The following SLC39A10 variants were observed in gnomAD, a reference collection of about 807,000 sequenced individuals.
The protein encoded by SLC39A10 is zinc transporter ZIP10.
Under a neutral mutation model 65.1 loss-of-function variants are expected in SLC39A10, and 13 were observed. The ratio of observed to expected loss-of-function variants is 0.20; its 90% confidence interval spans 0.13 to 0.32. The LOEUF is 0.32. Ranked by LOEUF, SLC39A10 falls within the 10% of genes least tolerant of loss-of-function variation. The pLI is 1.00. For missense variants in SLC39A10, 831 were observed against 1,018.4 expected, an observed-to-expected ratio of 0.82 and a Z score of 2.50; for synonymous variants, 321 against 342.2, an observed-to-expected ratio of 0.94 and a Z score of 0.68.
Position 195,683,842 on chromosome 2 carries a change from A to C in SLC39A10, c.1152A>C (p.Leu384Phe), listed in dbSNP as rs906886126. 1.2e-6 allele frequency: 2 copies of C among 1,613,346 alleles called. No individual in the cohort carries two copies. The change falls in exon 3 of 10, where the codon TTA (leucine) becomes TTC (phenylalanine). Residue 384 changes from leucine (L) to phenylalanine (F), a missense_variant. Transcript: ENST00000359634. ...RLCIEHFDKL[L>F]VEDINKDKNL... ...GTATTGAGCATTTTGACAAACTTTT[A>C]GTTGAAGATATAAATAAGGATAAAA...
intron 2 of SLC39A10, among the ~76,000 whole-genome samples, chr2:195,628,560 A>G (rs920151781): frequency 2.0e-5 from 3 of 152,198 alleles, no homozygotes; most frequent in African/African-American, 7.2e-5. Context: ...CTCATGAAAC[A>G]TACATTCTAG....
chr2:195,634,691 T>C (rs1189248656), intron 2 of SLC39A10, among the ~76,000 whole-genome samples: 1 of 152,344 alleles, frequency 6.6e-6, no homozygotes, highest in African/African-American at 2.4e-5. Context: ...GGAAAATTTT[T>C]ATCTCATATA....
chr2:195,634,217 A>G (rs1688654131), intron 2 of SLC39A10, among the ~76,000 whole-genome samples: 1 of 152,218 alleles, frequency 6.6e-6, no homozygotes. Context: ...ATACTTTTCT[A>G]TTGATCTACG....
intron 9 of SLC39A10, among the ~76,000 whole-genome samples, chr2:195,733,227 G>A (rs942832024): frequency 2.6e-5 from 4 of 152,098 alleles, no homozygotes; most frequent in Non-Finnish European, 4.4e-5. Flanking sequence ...ATACTGTTTT[G>A]GAGCAAAACG....
chr2:195,682,119 A>G (rs1429076412), intron 2 of SLC39A10, among the ~76,000 whole-genome samples: 1 of 152,148 alleles, frequency 6.6e-6, no homozygotes, highest in Non-Finnish European at 1.5e-5. Context: ...TTTTCTTTTT[A>G]ACTATTCACC....
At chr2:195,669,321 G>A (rs1235340545) in intron 1 of SLC39A10, among the ~76,000 whole-genome samples, 2 of 152,056 alleles carry the variant, frequency 1.3e-5, no homozygotes, top group Non-Finnish European at 2.9e-5. Context: ...ACAGTGTTCT[G>A]GTTTCAAGAT....
chr2:195,736,496 TAA>T lies in SLC39A10; in HGVS notation c.*1456_*1457del, dbSNP rs1445537354. ...CAATCTATCTTATTGTTCAAATATA[TAA>T]GAGCCAAACTCTTTTCCATTCCATC... On this transcript the variant is annotated 3_prime_UTR_variant, in exon 10 of 10. Coordinates refer to ENST00000359634, the MANE Select transcript of SLC39A10 (RefSeq NM_020342.3). 1.2e-5 allele frequency: 2 copies of T among 160,782 alleles called. No homozygotes were observed. Among genetic ancestry groups the T allele is most frequent in the African/African-American group, 4.8e-5 (2 of 41,358 alleles). 10.0% of individuals were successfully genotyped at this position (160,782 alleles called of 1,614,324 possible). A position where few individuals can be genotyped will look rare whatever the true frequency, so the allele number is the denominator to read the frequency against.
intron 1 of SLC39A10, among the ~76,000 whole-genome samples, chr2:195,677,080 A>G (rs957096509): frequency 2.0e-5 from 3 of 152,230 alleles, no homozygotes; most frequent in Admixed American, 6.5e-5. Context: ...TTTGATTTTT[A>G]TAAAACTTTG....
At chr2:195,672,883 C>G (rs1689923995) in intron 1 of SLC39A10, among the ~76,000 whole-genome samples, 1 of 152,146 alleles carries the variant, frequency 6.6e-6, no homozygotes, top group African/African-American at 2.4e-5. Context: ...AGTGGAAAAT[C>G]AAGGTAACTG....
At chr2:195,684,039 GT>G in intron 3 of SLC39A10, 133 bp downstream of exon 3, 1 of 668,574 alleles carries the variant, frequency 1.5e-6, no homozygotes, top group Non-Finnish European at 2.4e-6. Context: ...TTTTAATCAG[GT>G]TTAGATATGC....
At chr2:195,646,405 A>G (rs1318800559) in intron 2 of SLC39A10, among the ~76,000 whole-genome samples, 4 of 152,198 alleles carry the variant, frequency 2.6e-5, no homozygotes, top group East Asian at 1.9e-4. Context: ...TTAATTTCCT[A>G]TTGCTGCTAT....
At chr2:195,642,586 G>C (rs1347425806) in intron 2 of SLC39A10, among the ~76,000 whole-genome samples, 1 of 152,180 alleles carries the variant, frequency 6.6e-6, no homozygotes, top group Non-Finnish European at 1.5e-5. Context: ...AAAGCCCTGG[G>C]ATTGGATAAA....
intron 5 of SLC39A10, among the ~76,000 whole-genome samples, chr2:195,710,604 G>A (rs1335307446): frequency 6.6e-6 from 1 of 152,130 alleles, no homozygotes; most frequent in African/African-American, 2.4e-5. Flanking sequence ...ATTTCCAGTA[G>A]TTATCTAAAT....
chr2:195,670,390 A>G (rs568682219), intron 1 of SLC39A10: 11 of 152,294 alleles, frequency 7.2e-5, no homozygotes, highest in Non-Finnish European at 1.5e-4. Flanking sequence ...AGACCATTTC[A>G]CAAATTTGCA....
intron 9 of SLC39A10, among the ~76,000 whole-genome samples, chr2:195,731,255 G>A (rs1210001744): frequency 6.6e-6 from 1 of 152,098 alleles, no homozygotes; most frequent in East Asian, 1.9e-4. Flanking sequence ...CTCCCTGAGG[G>A]ACATTCTGCG....
intron 2 of SLC39A10, among the ~76,000 whole-genome samples, chr2:195,628,721 A>G (rs1393569780): frequency 6.6e-6 from 1 of 152,190 alleles, no homozygotes; most frequent in Non-Finnish European, 1.5e-5. Context: ...AAAATATGAG[A>G]AGTTAGTCTG....
chr2:195,697,794 C>G (rs548366378), intron 3 of SLC39A10, among the ~76,000 whole-genome samples: 1 of 152,224 alleles, frequency 6.6e-6, no homozygotes, highest in South Asian at 2.1e-4. Flanking sequence ...AAAAGACATA[C>G]GTGCAGCCAA....
intron 3 of SLC39A10, among the ~76,000 whole-genome samples, chr2:195,696,836 T>C (rs1178915475): frequency 6.6e-6 from 1 of 152,152 alleles, no homozygotes; most frequent in Non-Finnish European, 1.5e-5. Context: ...GAATTTATTA[T>C]TAATTGTAAG....
At chr2:195,643,164 GAAAGT>G (rs1049242614) in intron 2 of SLC39A10, among the ~76,000 whole-genome samples, 56 of 152,312 alleles carry the variant, frequency 3.7e-4, no homozygotes, top group African/African-American at 1.1e-3. Flanking sequence ...AAGTAACAGA[GAAAGT>G]AAATAGAGTA....
Sources: allele counts gnomAD v4.1 joint callset (sites outside exome capture counted in the v4.1 genomes callset), GRCh38; gene constraint gnomAD v4.1.1; transcripts MANE v1.5; gene names NCBI Gene and HGNC (gene_info 2026-07-23, HGNC 2026-07-21).